Variants in PIP5K1B observed in about 807,000 individuals in gnomAD.
PIP5K1B encodes phosphatidylinositol-4-phosphate 5-kinase type 1 beta, also known as phosphatidylinositol 4-phosphate 5-kinase type-1 beta.
A neutral mutation model predicts 67.0 loss-of-function variants in PIP5K1B; 42 were observed. That is an observed-to-expected ratio of 0.63 (90% CI 0.49 to 0.81). The LOEUF (loss-of-function observed/expected upper bound fraction) is 0.81, where lower values mean the gene tolerates loss of function less well. Among genes scored for constraint, PIP5K1B ranks in the 30% least tolerant of loss-of-function variants. PIP5K1B has a pLI of 0.00. For synonymous variants in PIP5K1B, 214 were observed against 231.4 expected (o/e 0.92, Z 0.68); for missense variants, 459 against 646.3 (o/e 0.71, Z 3.14).
intron 15 of PIP5K1B, among the ~76,000 whole-genome samples, chr9:68,994,702 A>T (rs114908233): frequency 6.6e-6 from 1 of 152,156 alleles, no homozygotes; most frequent in Non-Finnish European, 1.5e-5. Flanking sequence ...TCATATTTTA[A>T]CTTAGTCTCT....
intron 5 of PIP5K1B, among the ~76,000 whole-genome samples, chr9:68,867,249 C>T (rs969324045): frequency 3.9e-5 from 6 of 152,162 alleles, no homozygotes; most frequent in African/African-American, 1.4e-4. Flanking sequence ...TCTACACCCT[C>T]GGACTCCGGC....
intron 2 of PIP5K1B, among the ~76,000 whole-genome samples, chr9:68,787,629 ATCTT>A (rs150830832): frequency 0.11 from 16,471 of 150,878 alleles, 1,075 homozygotes; most frequent in Non-Finnish European, 0.16. Flanking sequence ...TTTCTTTCTA[ATCTT>A]TCTTTCTTTT....
chr9:68,935,961 G>A (rs1309614272), intron 13 of PIP5K1B: 2 of 152,190 alleles, frequency 1.3e-5, no homozygotes, highest in East Asian at 1.9e-4. Flanking sequence ...TTTAGTATAT[G>A]TGCTGCCAAA....
intron 2 of PIP5K1B, among the ~76,000 whole-genome samples, chr9:68,777,079 G>C (rs531656363): frequency 5.3e-5 from 8 of 152,268 alleles, no homozygotes; most frequent in Non-Finnish European, 1.0e-4. Flanking sequence ...GGGCTGGAGG[G>C]CACTCTAAAT....
chr9:68,998,130 G>T (rs1186485389), intron 15 of PIP5K1B, among the ~76,000 whole-genome samples: 1 of 150,668 alleles, frequency 6.6e-6, no homozygotes, highest in African/African-American at 2.5e-5. Context: ...AAGTGCAGTG[G>T]TGCAATCTTG....
intron 1 of PIP5K1B, among the ~76,000 whole-genome samples, chr9:68,725,621 T>A (rs1173440904): frequency 6.6e-6 from 1 of 152,176 alleles, no homozygotes; most frequent in Non-Finnish European, 1.5e-5. Context: ...TGCTAAAGTC[T>A]GATTAGAGTT....
chr9:68,912,094 C>G (rs1477157133), intron 8 of PIP5K1B, among the ~76,000 whole-genome samples: 1 of 152,138 alleles, frequency 6.6e-6, no homozygotes, highest in Non-Finnish European at 1.5e-5. Flanking sequence ...AAGTATTACC[C>G]TCTCTTACCT....
At chr9:68,815,923 A>T (rs969057382) in intron 2 of PIP5K1B, among the ~76,000 whole-genome samples, 2 of 152,188 alleles carry the variant, frequency 1.3e-5, no homozygotes, top group Admixed American at 6.5e-5. Flanking sequence ...ATTTAGTAAG[A>T]CATAAGACAA....
At chr9:68,980,279 C>G (rs1829834676) in intron 14 of PIP5K1B, among the ~76,000 whole-genome samples, 1 of 152,224 alleles carries the variant, frequency 6.6e-6, no homozygotes, top group Non-Finnish European at 1.5e-5. Context: ...CTGGGTCACG[C>G]TGGAATGGGC....
intron 12 of PIP5K1B, among the ~76,000 whole-genome samples, chr9:68,933,303 T>TAAAATA (rs1203204030): frequency 6.8e-6 from 1 of 147,286 alleles, no homozygotes; most frequent in African/African-American, 2.5e-5. Context: ...TAAAATAAAA[T>TAAAATA]AAATAAAAGT....
intron 2 of PIP5K1B, among the ~76,000 whole-genome samples, chr9:68,807,556 G>C (rs1362250153): frequency 1.3e-5 from 2 of 152,172 alleles, no homozygotes; most frequent in African/African-American, 4.8e-5. Flanking sequence ...TGTATTTGGG[G>C]CATATAGGGG....
chr9:68,942,765 T>G (rs1216054912), intron 14 of PIP5K1B, among the ~76,000 whole-genome samples: 1 of 152,242 alleles, frequency 6.6e-6, no homozygotes, highest in East Asian at 1.9e-4. Flanking sequence ...ACAAGTGCAT[T>G]GTTTTAATCT....
chr9:68,955,312 T>C (rs1828328887), intron 14 of PIP5K1B, among the ~76,000 whole-genome samples: 1 of 152,240 alleles, frequency 6.6e-6, no homozygotes, highest in African/African-American at 2.4e-5. Flanking sequence ...AAGATGTACA[T>C]TGATCACTTT....
intron 14 of PIP5K1B, among the ~76,000 whole-genome samples, chr9:68,972,727 C>T (rs955069647): frequency 1.3e-5 from 2 of 152,060 alleles, no homozygotes; most frequent in Non-Finnish European, 2.9e-5. Context: ...GGTTGTTAAG[C>T]CTTTACTTGT....
At chr9:69,006,826 A>G (rs1382387203) in intron 15 of PIP5K1B, among the ~76,000 whole-genome samples, 3 of 152,230 alleles carry the variant, frequency 2.0e-5, no homozygotes, top group African/African-American at 7.2e-5. Flanking sequence ...GTTTTTTAAG[A>G]ACGCAGGACT....
intron 7 of PIP5K1B, among the ~76,000 whole-genome samples, chr9:68,890,119 A>G (rs984576368): frequency 6.6e-6 from 1 of 152,180 alleles, no homozygotes; most frequent in African/African-American, 2.4e-5. Context: ...TAACCCCTAC[A>G]CTAATACACC....
chr9:68,940,764 C>T lies in PIP5K1B; in HGVS notation c.1476C>T (p.His492=), dbSNP rs377111913. 3.7e-5 allele frequency: 60 copies of T among 1,613,884 alleles called. No individual in the cohort carries two copies. In the African/African-American group the frequency reaches 3.9e-4, roughly 10 times the overall value. The change falls in exon 14 of 16, where the codon CAC becomes CAT. Residue 492 remains histidine (H), a synonymous_variant. Transcript: ENST00000265382. ...SSLYVNEHYP[H]DRPTLYSNSK... is the part of the protein sequence containing the mutation. The stretch of plus-strand genomic sequence containing the variant: ...TATACGTCAATGAGCACTATCCACA[C>T]GACAGGCCTACACTCTATTCAAACA...
At chr9:68,924,994 T>G (rs1296427713) in intron 12 of PIP5K1B, among the ~76,000 whole-genome samples, 1 of 152,224 alleles carries the variant, frequency 6.6e-6, no homozygotes, top group Admixed American at 6.5e-5. Context: ...ATTTTAGGTA[T>G]AGTCCTCTTT....
At chr9:68,795,923 GAAA>G (rs1351483687) in intron 2 of PIP5K1B, among the ~76,000 whole-genome samples, 1 of 152,042 alleles carries the variant, frequency 6.6e-6, no homozygotes, top group Non-Finnish European at 1.5e-5. Flanking sequence ...TTAATCATGT[GAAA>G]AAAAGATTAG....
Sources: allele counts gnomAD v4.1 joint callset (sites outside exome capture counted in the v4.1 genomes callset), GRCh38; gene constraint gnomAD v4.1.1; transcripts MANE v1.5; gene names NCBI Gene and HGNC (gene_info 2026-07-23, HGNC 2026-07-21).